LRBA: variants seen among roughly 807,000 people sequenced by gnomAD.
LRBA encodes the protein lipopolysaccharide-responsive and beige-like anchor protein.
In LRBA, 176 loss-of-function variants were observed where a neutral mutation model predicts 330.0. That is an observed-to-expected ratio of 0.53 (90% confidence interval 0.47 to 0.60). The LOEUF (loss-of-function observed/expected upper bound fraction) is 0.60. Among genes scored for constraint, LRBA ranks in the 20% least tolerant of loss-of-function variants. The pLI is 0.00. For synonymous variants in LRBA, 1,230 were observed against 1,193.0 expected, an observed-to-expected ratio of 1.03 and a Z score of -0.64; for missense variants, 3,259 against 3,444.8, an observed-to-expected ratio of 0.95 and a Z score of 1.35.
intron 48 of LRBA, among the ~76,000 whole-genome samples, chr4:150,346,783 A>AAAAAAAAAAAAAAAAAAC (rs1736408222): frequency 3.0e-5 from 4 of 133,584 alleles, no homozygotes; most frequent in African/African-American, 1.0e-4. Context: ...AAAAAAAAAA[A>AAAAAAAAAAAAAAAAAAC]AAAACACTTA....
chr4:150,865,537 A>T (rs1334810189), intron 22 of LRBA, among the ~76,000 whole-genome samples: 1 of 152,162 alleles, frequency 6.6e-6, no homozygotes, highest in Non-Finnish European at 1.5e-5. Flanking sequence ...GCCATTTTAT[A>T]AAATCAGATC....
rs1422258041 is a variant in LRBA at position 150,580,411 on chromosome 4, T to C, written c.6330+7637A>G. The stretch of plus-strand genomic sequence containing the variant: ...AAGAAAGAACCAAGAGGCCCAATTG[T>C]CTGATACCAAGTAGATAGAAAGAAA... On this transcript the variant is annotated intron_variant, in intron 40 of 56. Transcript: ENST00000651943. The C allele has an allele frequency of 3.9e-5, 6 of 152,122 alleles. No homozygotes were observed. The East Asian group carries it at 1.2e-3, about 29-fold the overall frequency. The allele number at this position is 152,122 out of a possible 1,614,324, so 9.4% of individuals were successfully genotyped here.
rs34194284 is a variant in LRBA, at chr4:150,740,643, TA to T, written c.5646-5278del. Among the ~76,000 whole-genome samples, 695 of 136,142 alleles carry T rather than the reference TA, an allele frequency of 5.1e-3. 3 individuals carry two copies. Among genetic ancestry groups the T allele is most frequent in the African/African-American group, 0.017 (636 of 36,670 alleles). 89.3% of individuals were successfully genotyped at this position (136,142 alleles called of 152,430 possible). The stretch of plus-strand genomic sequence containing the variant: ...TCTGCATGTCAAACAGAAAGAATGG[TA>T]AAAAAAAAAAAAAAAGTTAAAACTT... On this transcript the variant is annotated intron_variant, in intron 35 of 56. Transcript: ENST00000651943.
At chr4:150,637,831 C>A (rs570352434) in intron 37 of LRBA, among the ~76,000 whole-genome samples, 77 of 152,238 alleles carry the variant, frequency 5.1e-4, no homozygotes, top group Admixed American at 1.4e-3. Context: ...GGATTCTTGA[C>A]CCATTGCACT....
rs1741039061 is a variant in LRBA, at chr4:150,797,971, T to C, written c.5580+110A>G. ...ACAAAATTATTTTAAAACAGCAAAC[T>C]CACAATTTTATTATACCAAAAATTT... is the stretch of plus-strand genomic sequence containing the variant. On this transcript the variant is annotated intron_variant, in intron 34 of 56. Coordinates refer to ENST00000651943, the MANE Select transcript of LRBA (RefSeq NM_001364905.1). 10 of 671,318 alleles carry C rather than the reference T, an allele frequency of 1.5e-5. No individual in the cohort carries two copies. The South Asian group carries it at 2.1e-4, about 14-fold the overall frequency. 41.6% of individuals were successfully genotyped at this position (671,318 alleles called of 1,614,324 possible).
At chr4:150,361,837 C>A (rs556884907) in intron 47 of LRBA, among the ~76,000 whole-genome samples, 1 of 148,860 alleles carries the variant, frequency 6.7e-6, no homozygotes, top group South Asian at 2.1e-4. Context: ...GTGGCGTGAT[C>A]TCAGCTCACT....
In LRBA at chr4:150,623,068, C is replaced by G. The variant is rs192353711; in HGVS notation, c.5922-23937G>C. Among the ~76,000 whole-genome samples, 4 of 152,236 alleles carry G rather than the reference C, an allele frequency of 2.6e-5. No individual in the cohort carries two copies. In the East Asian group the frequency reaches 5.8e-4, roughly 22 times the overall value. On this transcript the variant is annotated intron_variant, in intron 37 of 56. Coordinates refer to ENST00000651943, the MANE Select transcript of LRBA (RefSeq NM_001364905.1). ...TGGGCTGCAAGCAAGATTGCCCACC[C>G]TTGGCTAAAGGCATATGTACTCTTG... is the stretch of plus-strand genomic sequence containing the variant.
intron 34 of LRBA, among the ~76,000 whole-genome samples, chr4:150,769,311 GAGAGAGAGAC>G (rs1736225733): frequency 6.6e-6 from 1 of 151,996 alleles, no homozygotes; most frequent in African/African-American, 2.4e-5. Flanking sequence ...CGAATGGGAA[GAGAGAGAGAC>G]AGAGAGAGAC....
At chr4:150,403,099 A>G (rs1334452255) in intron 47 of LRBA, among the ~76,000 whole-genome samples, 1 of 152,224 alleles carries the variant, frequency 6.6e-6, no homozygotes, top group Admixed American at 6.5e-5. Context: ...GTTGCATGAA[A>G]GCATCCAGAG....
chr4:150,652,770 C>T (rs1017886051), intron 37 of LRBA, among the ~76,000 whole-genome samples: 1 of 152,124 alleles, frequency 6.6e-6, no homozygotes, highest in Non-Finnish European at 1.5e-5. Flanking sequence ...ATTTGAAGTG[C>T]TCAACAGCCA....
At chr4:150,311,718 G>C (rs1731093401) in intron 51 of LRBA, among the ~76,000 whole-genome samples, 1 of 152,118 alleles carries the variant, frequency 6.6e-6, no homozygotes, top group Non-Finnish European at 1.5e-5. Context: ...AGGATTAATG[G>C]GCTAGAAAGT....
At chr4:150,934,474 G>A (rs1734855972) in intron 2 of LRBA, among the ~76,000 whole-genome samples, 1 of 152,130 alleles carries the variant, frequency 6.6e-6, no homozygotes, top group African/African-American at 2.4e-5. Context: ...AGTATGCCAG[G>A]CCCTGAGGAA....
chr4:150,614,200 T>A (rs1775545703), intron 37 of LRBA, among the ~76,000 whole-genome samples: 2 of 152,232 alleles, frequency 1.3e-5, no homozygotes, highest in Admixed American at 1.3e-4. Context: ...AATTGGCTAC[T>A]CCTACACCTG....
intron 40 of LRBA, among the ~76,000 whole-genome samples, chr4:150,541,708 G>A (rs866221901): frequency 1.3e-5 from 2 of 151,990 alleles, no homozygotes; most frequent in Non-Finnish European, 2.9e-5. Context: ...TTAGAGACAG[G>A]GTCTTGCTCT....
chr4:150,315,296 G>T (rs554917910), intron 51 of LRBA: 1 of 521,604 alleles, frequency 1.9e-6, no homozygotes, highest in African/African-American at 2.0e-5. Context: ...TACTTCATGC[G>T]CATTCTCAAT....
At chr4:150,740,007 T>TTAAGGC (rs1400451900) in intron 35 of LRBA, among the ~76,000 whole-genome samples, 2 of 152,214 alleles carry the variant, frequency 1.3e-5, no homozygotes, top group Non-Finnish European at 2.9e-5. Flanking sequence ...GTATGTTTCT[T>TTAAGGC]TAAGGCTAAG....
At chr4:150,809,914 CG>C (rs1743450336) in intron 31 of LRBA, among the ~76,000 whole-genome samples, 1 of 150,076 alleles carries the variant, frequency 6.7e-6, no homozygotes, top group African/African-American at 2.5e-5. Flanking sequence ...CGATACGATA[CG>C]ATACGATACG....
chr4:150,539,182 T>G (rs987604198), intron 40 of LRBA, among the ~76,000 whole-genome samples: 1 of 152,044 alleles, frequency 6.6e-6, no homozygotes, highest in Admixed American at 6.6e-5. Flanking sequence ...CATCATGTTG[T>G]TCAGGATGGT....
intron 46 of LRBA, among the ~76,000 whole-genome samples, chr4:150,433,529 T>C (rs929119571): frequency 2.0e-5 from 3 of 152,168 alleles, no homozygotes; most frequent in Non-Finnish European, 2.9e-5. Flanking sequence ...ACTTCATTTT[T>C]GTTTATATTT....
Sources: allele counts gnomAD v4.1 joint callset (sites outside exome capture counted in the v4.1 genomes callset), GRCh38; gene constraint gnomAD v4.1.1; transcripts MANE v1.5; gene names NCBI Gene and HGNC (gene_info 2026-07-23, HGNC 2026-07-21).